The following SLC9B1 variants were observed in gnomAD, a reference collection of about 807,000 sequenced individuals.
SLC9B1 encodes solute carrier family 9 member B1.
In SLC9B1, 32 loss-of-function variants were observed where a neutral mutation model predicts 51.7. That is an observed-to-expected ratio of 0.62 (90% CI 0.47 to 0.83). The LOEUF is 0.83. SLC9B1 is among the 40% of genes least tolerant of loss of function. SLC9B1 has a pLI of 0.00. For synonymous variants in SLC9B1, 145 were observed against 212.7 expected (o/e 0.68, Z 2.77); for missense variants, 406 against 613.2 (o/e 0.66, Z 3.57).
chr4:103,013,555 A>C (rs75733768), intron 1 of SLC9B1, among the ~76,000 whole-genome samples: 1,739 of 152,312 alleles, frequency 0.011, 38 homozygotes, highest in African/African-American at 0.039. Flanking sequence ...TAATATGCTG[A>C]GGAATTTGAA....
intron 1 of SLC9B1, among the ~76,000 whole-genome samples, chr4:102,999,375 C>G (rs913083149): frequency 6.6e-6 from 1 of 152,166 alleles, no homozygotes. Flanking sequence ...ACTGCCAAAT[C>G]CAATATCATG....
At chr4:102,997,749 T>A (rs1043813387) in intron 1 of SLC9B1, among the ~76,000 whole-genome samples, 1 of 152,162 alleles carries the variant, frequency 6.6e-6, no homozygotes, top group South Asian at 2.1e-4. Flanking sequence ...TTAATATAGA[T>A]CTGTTGGCGA....
At chr4:102,947,360 T>C (rs1264814624) in intron 4 of SLC9B1, among the ~76,000 whole-genome samples, 2 of 152,212 alleles carry the variant, frequency 1.3e-5, no homozygotes, top group Non-Finnish European at 2.9e-5. Context: ...AGATTATCTC[T>C]ACTGACAGTG....
Position 102,945,231 on chromosome 4 carries a change from G to C in SLC9B1, c.615C>G (p.Phe205Leu), listed in dbSNP as rs759400449. 1 of 1,608,474 alleles carries C rather than the reference G, an allele frequency of 6.2e-7. No homozygotes were observed. Among genetic ancestry groups the C allele is most frequent in the Non-Finnish European group, 8.5e-7 (1 of 1,176,208 alleles). Residue 205 changes from phenylalanine to leucine, a missense_variant, in exon 6 of 12, where the codon TTC becomes TTG. Transcript: ENST00000296422. The stretch of plus-strand genomic sequence containing the variant: ...CCCATTGCCAGGGAAATTTCATAAT[G>C]AAGTGTGAAAAAACAGCAGCTGCAC... The part of the protein sequence containing the change: ...EASAAAVFSH[F>L]IMKFPWQWAF...
At chr4:102,903,461 T>C (rs1734881161) in intron 11 of SLC9B1, among the ~76,000 whole-genome samples, 1 of 152,216 alleles carries the variant, frequency 6.6e-6, no homozygotes, top group South Asian at 2.1e-4. Flanking sequence ...GATACAGTCA[T>C]AGACTTCATT....
At position 102,927,535 on chromosome 4, in the gene SLC9B1, A is replaced by G. The variant is rs549899012; in HGVS notation, c.829+4589T>C. On this transcript the variant is annotated intron_variant, in intron 7 of 11. Coordinates refer to ENST00000296422, the MANE Select transcript of SLC9B1 (RefSeq NM_139173.4). ...CAAAACCACAATGAGATATCATCTC[A>G]TGCCAGTTAGAATGGCAATCATTAA... Among the ~76,000 whole-genome samples, 3 of 152,360 alleles carry G rather than the reference A, an allele frequency of 2.0e-5. No individual in the cohort carries two copies. In the South Asian group the frequency reaches 6.2e-4, roughly 32 times the overall value.
intron 11 of SLC9B1, among the ~76,000 whole-genome samples, chr4:102,903,917 G>A (rs1163341222): frequency 6.6e-6 from 1 of 152,180 alleles, no homozygotes; most frequent in Non-Finnish European, 1.5e-5. Context: ...TATCAAGGGG[G>A]CAGGGGCAGG....
chr4:102,945,695 G>C (rs1253518479), intron 5 of SLC9B1, among the ~76,000 whole-genome samples: 3 of 151,946 alleles, frequency 2.0e-5, no homozygotes, highest in Non-Finnish European at 4.4e-5. Context: ...AGTATAAATA[G>C]AATACCAACA....
intron 4 of SLC9B1, among the ~76,000 whole-genome samples, chr4:102,947,076 G>T (rs1737304742): frequency 1.3e-5 from 2 of 152,110 alleles, no homozygotes; most frequent in African/African-American, 2.4e-5. Context: ...CCCCACTTTG[G>T]CAAAGTAAGG....
At chr4:102,936,712 A>G (rs1408738453) in intron 6 of SLC9B1, among the ~76,000 whole-genome samples, 1 of 152,206 alleles carries the variant, frequency 6.6e-6, no homozygotes, top group Non-Finnish European at 1.5e-5. Flanking sequence ...ATAAAGAACA[A>G]GAAAGAATGA....
chr4:102,918,891 CA>C (rs938164319), intron 7 of SLC9B1, among the ~76,000 whole-genome samples: 11 of 149,918 alleles, frequency 7.3e-5, no homozygotes, highest in Admixed American at 2.7e-4. Flanking sequence ...ACATTTTTTC[CA>C]AAAAAAAATA....
At chr4:102,990,203 C>A (rs1320259304) in intron 2 of SLC9B1, among the ~76,000 whole-genome samples, 2 of 151,892 alleles carry the variant, frequency 1.3e-5, no homozygotes, top group African/African-American at 4.8e-5. Context: ...AATAAAGGTG[C>A]CTACAGTTTG....
At chr4:102,941,436 C>A (rs1393840403) in intron 6 of SLC9B1, 1 of 454,170 alleles carries the variant, frequency 2.2e-6, no homozygotes, top group African/African-American at 2.0e-5. Context: ...AACAAAACTG[C>A]AGTGAGATAC....
chr4:102,896,248 C>G (rs573158928), downstream of SLC9B1, among the ~76,000 whole-genome samples: 1 of 152,124 alleles, frequency 6.6e-6, no homozygotes, highest in East Asian at 1.9e-4. Context: ...TGAGTGGTGG[C>G]CCCCTTGCCT....
At chr4:102,998,446 AC>A (rs1447402694) in intron 1 of SLC9B1, among the ~76,000 whole-genome samples, 2 of 152,132 alleles carry the variant, frequency 1.3e-5, no homozygotes, top group African/African-American at 4.8e-5. Flanking sequence ...CTACTGATAG[AC>A]CTTTTGGCTA....
intron 9 of SLC9B1, among the ~76,000 whole-genome samples, 165 bp from the exon 10 acceptor site, chr4:102,906,809 T>C (rs537040561): frequency 0.011 from 1,619 of 148,104 alleles, 7 homozygotes; most frequent in African/African-American, 0.037. Flanking sequence ...TAGCTCACTG[T>C]AGCCTTGAAC....
intron 3 of SLC9B1, chr4:102,962,162 C>T: frequency 6.2e-6 from 3 of 483,102 alleles, no homozygotes; most frequent in South Asian, 1.6e-5. Flanking sequence ...CAACACTGAG[C>T]CATAGTTTAC....
intron 1 of SLC9B1, among the ~76,000 whole-genome samples, chr4:102,993,864 T>C (rs1740082182): frequency 6.6e-6 from 1 of 152,208 alleles, no homozygotes; most frequent in Non-Finnish European, 1.5e-5. Context: ...TCTGAAGCAA[T>C]GCCAGAGCTG....
At chr4:102,889,619 C>T (rs2110407493) in intron 11 of SLC9B1, 2 of 143,780 alleles carry the variant, frequency 1.4e-5, no homozygotes, top group South Asian at 4.5e-4. Context: ...TGGTTGTACT[C>T]TCAGAATAAA....
Sources: allele counts gnomAD v4.1 joint callset (sites outside exome capture counted in the v4.1 genomes callset), GRCh38; gene constraint gnomAD v4.1.1; transcripts MANE v1.5; gene names NCBI Gene and HGNC (gene_info 2026-07-23, HGNC 2026-07-21).